Variants in INTS6 observed in about 807,000 individuals in gnomAD.
INTS6 encodes the protein integrator complex subunit 6, also known as DEAD box protein.
In INTS6, 16 loss-of-function variants were observed where a neutral mutation model predicts 104.9. That is an observed-to-expected ratio of 0.15 (90% CI 0.10 to 0.23). The LOEUF is 0.23. Among genes scored for constraint, INTS6 ranks in the 10% least tolerant of loss-of-function variants. The pLI, the probability that INTS6 is intolerant of heterozygous loss-of-function variation, is 1.00. For missense variants in INTS6, 584 were observed against 1,062.8 expected (o/e 0.55, Z 6.26); for synonymous variants, 324 against 358.7 (o/e 0.90, Z 1.09).
chr13:51,451,140 T>C lies in INTS6; in HGVS notation c.224A>G (p.Asn75Ser), dbSNP rs770363383. The stretch of plus-strand genomic sequence containing the variant: ...TTCAGCCTGAAGGTTTTTCAATTCA[T>C]TCATAAACGTTGCATGGTTTTCTTT... ...GWKENHATFM[N>S]ELKNLQAEGL... is the part of the protein sequence containing the mutation. Residue 75 changes from asparagine (N) to serine (S), a missense_variant, in exon 3 of 18, where the codon AAT becomes AGT. Around this residue, in one of 5 missense-constraint regions of INTS6, gnomAD observed 70 missense variants for 190.3 expected, o/e 0.37. Transcript: ENST00000311234. 1 of 1,569,744 alleles carries C rather than the reference T, an allele frequency of 6.4e-7. No individual in the cohort carries two copies. Among genetic ancestry groups the C allele is most frequent in the Non-Finnish European group, 8.6e-7 (1 of 1,163,022 alleles).
intron 7 of INTS6, 26 bp from the exon 8 acceptor site, chr13:51,383,767 T>C (rs1478585752): frequency 6.5e-7 from 1 of 1,545,218 alleles, no homozygotes; most frequent in South Asian, 1.2e-5. Flanking sequence ...TTGTAATTAC[T>C]ACTTACATGA....
intron 12 of INTS6, among the ~76,000 whole-genome samples, chr13:51,377,428 A>G (rs1246389816): frequency 7.2e-5 from 11 of 152,130 alleles, no homozygotes; most frequent in Admixed American, 7.2e-4. Context: ...TCAACATCAC[A>G]AAGATTTTTT....
intron 10 of INTS6, among the ~76,000 whole-genome samples, chr13:51,381,625 A>T (rs1359111174): frequency 6.6e-6 from 1 of 152,160 alleles, no homozygotes; most frequent in East Asian, 1.9e-4. Context: ...CATGTCATTT[A>T]ATCTATAAAA....
chr13:51,418,023 C>T (rs1475571126), intron 4 of INTS6, among the ~76,000 whole-genome samples: 1 of 152,200 alleles, frequency 6.6e-6, no homozygotes, highest in African/African-American at 2.4e-5. Context: ...ATTTTCCTCA[C>T]CGTCACAGAA....
chr13:51,341,898 G>A, the INTS6 span, among the ~76,000 whole-genome samples: 3 of 152,206 alleles, frequency 2.0e-5, no homozygotes, highest in Admixed American at 6.5e-5. Context: ...CCTGGTTTAA[G>A]AGCCCATGCT....
the INTS6 span, among the ~76,000 whole-genome samples, chr13:51,346,677 C>T: frequency 6.6e-6 from 1 of 152,272 alleles, no homozygotes; most frequent in South Asian, 2.1e-4. Flanking sequence ...TTGTCATTGT[C>T]GCCCCCATAC....
chr13:51,428,326 C>CTTT (rs887192550), intron 4 of INTS6, among the ~76,000 whole-genome samples: 3 of 135,042 alleles, frequency 2.2e-5, no homozygotes, highest in Non-Finnish European at 3.2e-5. Flanking sequence ...CTTTTTTTTT[C>CTTT]TTTTTTTTTT....
Position 51,374,360 on chromosome 13 carries a change from T to C in INTS6, c.1952A>G (p.Gln651Arg), listed in dbSNP as rs1955873532. Residue 651 changes from glutamine (Q) to arginine (R), a missense_variant, in exon 15 of 18, where the codon CAA becomes CGA. Coordinates refer to ENST00000311234, the MANE Select transcript of INTS6 (RefSeq NM_012141.3). The stretch of plus-strand genomic sequence containing the variant: ...ACACCGACGTCTTTTAGGGATCCCT[T>C]GCATATTTGGTTCTCCGGGTCGTTT... ...KHKRPGEPNM[Q>R]GIPKRRRCMS... The C allele has an allele frequency of 6.2e-7, 1 of 1,614,084 alleles. No homozygotes were observed. Among genetic ancestry groups the C allele is most frequent in the Non-Finnish European group, 8.5e-7 (1 of 1,179,978 alleles).
intron 6 of INTS6, among the ~76,000 whole-genome samples, chr13:51,387,892 C>T (rs80172411): frequency 0.02 from 3,028 of 152,202 alleles, 51 homozygotes; most frequent in African/African-American, 0.049. Context: ...ACCCAATTTG[C>T]CACCTTTATC....
intron 10 of INTS6, among the ~76,000 whole-genome samples, chr13:51,381,064 T>A (rs1956040398): frequency 6.6e-6 from 1 of 152,228 alleles, no homozygotes; most frequent in Admixed American, 6.5e-5. Context: ...TCTTTTTTCC[T>A]TGACATTATT....
chr13:51,364,535 C>A lies in INTS6; in HGVS notation c.*1217G>T, dbSNP rs2137842749. On this transcript the variant is annotated 3_prime_UTR_variant, in exon 18 of 18. Coordinates refer to ENST00000311234, the MANE Select transcript of INTS6 (RefSeq NM_012141.3). ...AACCACTAAAAGGCACAGCAGTGAT[C>A]ATGAATGGTGAGTGAGTCAGGCCAT... 1 of 360,296 alleles carries A rather than the reference C, an allele frequency of 2.8e-6. No homozygotes were observed. The highest frequency in any genetic ancestry group is 4.7e-5 in the East Asian group (1 of 21,158). 22.3% of individuals were successfully genotyped at this position (360,296 alleles called of 1,614,324 possible).
intron 4 of INTS6, among the ~76,000 whole-genome samples, chr13:51,402,964 T>C (rs1956466395): frequency 6.6e-6 from 1 of 152,136 alleles, no homozygotes; most frequent in Non-Finnish European, 1.5e-5. Flanking sequence ...GCACCTACCA[T>C]AAACACAGCA....
At chr13:51,406,242 T>G (rs1380110427) in intron 4 of INTS6, among the ~76,000 whole-genome samples, 1 of 152,188 alleles carries the variant, frequency 6.6e-6, no homozygotes, top group Non-Finnish European at 1.5e-5. Context: ...ATAAAAACTG[T>G]ATTTTGAGCC....
intron 3 of INTS6, chr13:51,446,094 A>C (rs192561071): frequency 6.6e-6 from 1 of 152,318 alleles, no homozygotes; most frequent in East Asian, 1.9e-4. Flanking sequence ...AAAAATAAAA[A>C]TTTTGTGCAC....
intron 6 of INTS6, 63 bp from the exon 7 acceptor site, chr13:51,387,603 T>A: frequency 8.1e-7 from 1 of 1,228,036 alleles, no homozygotes; most frequent in Non-Finnish European, 1.1e-6. Context: ...CATAAAAAGT[T>A]AAATTATATC....
chr13:51,398,659 C>T (rs781764158), intron 4 of INTS6, among the ~76,000 whole-genome samples: 4 of 150,534 alleles, frequency 2.7e-5, no homozygotes, highest in South Asian at 2.1e-4. Context: ...TAAAGCTAAA[C>T]ATGAGCATAC....
intron 4 of INTS6, among the ~76,000 whole-genome samples, chr13:51,406,728 G>T (rs1956574250): frequency 6.6e-6 from 1 of 152,050 alleles, no homozygotes; most frequent in African/African-American, 2.4e-5. Context: ...CCCCCTGTAT[G>T]GTCAAGTCCA....
the INTS6 span, chr13:51,341,383 T>A: frequency 1.9e-6 from 3 of 1,540,996 alleles, no homozygotes; most frequent in Non-Finnish European, 2.6e-6. Flanking sequence ...TCACTTACCC[T>A]CCTGTTCACA....
the INTS6 span, chr13:51,339,500 G>A: frequency 2.0e-5 from 3 of 152,532 alleles, no homozygotes; most frequent in African/African-American, 7.2e-5. Flanking sequence ...TTCCCGATCT[G>A]GGCTTTGCTG....
Sources: allele counts gnomAD v4.1 joint callset (sites outside exome capture counted in the v4.1 genomes callset), GRCh38; gene constraint gnomAD v4.1.1; regional missense constraint gnomAD v4.1.1; transcripts MANE v1.5; gene names NCBI Gene and HGNC (gene_info 2026-07-23, HGNC 2026-07-21).